The following IGSF21 variants were observed in gnomAD, a reference collection of about 807,000 sequenced individuals.
IGSF21 encodes the protein immunoglobulin superfamily member 21.
Under a neutral mutation model 46.8 loss-of-function variants are expected in IGSF21, and 28 were observed. The ratio of observed to expected loss-of-function variants is 0.60; its 90% confidence interval spans 0.44 to 0.82. IGSF21 has a LOEUF of 0.82. Ranked by LOEUF, IGSF21 falls within the 40% of genes least tolerant of loss-of-function variation. The pLI is 0.00. For missense variants in IGSF21, 624 were observed against 665.5 expected, an observed-to-expected ratio of 0.94 and a Z score of 0.69; for synonymous variants, 284 against 273.6, an observed-to-expected ratio of 1.04 and a Z score of -0.38.
At chr1:18,291,616 G>A (rs895666475) in intron 2 of IGSF21, among the ~76,000 whole-genome samples, 2 of 152,148 alleles carry the variant, frequency 1.3e-5, no homozygotes, top group African/African-American at 2.4e-5. Flanking sequence ...GCTCTTTCCT[G>A]CCGCAGGGCC....
chr1:18,122,577 C>T (rs539351264), intron 1 of IGSF21, among the ~76,000 whole-genome samples: 3 of 151,628 alleles, frequency 2.0e-5, no homozygotes, highest in African/African-American at 7.3e-5. Flanking sequence ...TGTCTGGTTC[C>T]AGGGAATAAT....
intron 2 of IGSF21, among the ~76,000 whole-genome samples, chr1:18,232,070 T>C (rs1342570254): frequency 6.6e-6 from 1 of 151,978 alleles, no homozygotes; most frequent in Non-Finnish European, 1.5e-5. Context: ...AGTATCGTAG[T>C]TGTCTATTAA....
At chr1:18,364,222 A>G (rs1333362169) in intron 5 of IGSF21, among the ~76,000 whole-genome samples, 1 of 152,174 alleles carries the variant, frequency 6.6e-6, no homozygotes, top group African/African-American at 2.4e-5. Flanking sequence ...CTTTAAAGTA[A>G]TTCTTTGATA....
chr1:18,249,026 G>T lies in IGSF21; in HGVS notation c.183+21016G>T, dbSNP rs572731811. 1.9e-4 allele frequency among the ~76,000 whole-genome samples: 29 copies of T among 152,272 alleles called. No homozygotes were observed. In the South Asian group the frequency reaches 5.2e-3, roughly 27 times the overall value. Reference sequence around the variant, plus strand: ...CGCAGGCCTCCTAAAATGAGAGAAAGTGTGGCACCCCCGCCCAAATTAAAC... The same window carrying T: ...CGCAGGCCTCCTAAAATGAGAGAAATTGTGGCACCCCCGCCCAAATTAAAC... On this transcript the variant is annotated intron_variant, in intron 2 of 9. Coordinates refer to ENST00000251296, the MANE Select transcript of IGSF21 (RefSeq NM_032880.5).
chr1:18,256,370 C>T (rs551153364), intron 2 of IGSF21, among the ~76,000 whole-genome samples: 3 of 152,296 alleles, frequency 2.0e-5, no homozygotes, highest in African/African-American at 7.2e-5. Flanking sequence ...TGTTTGCTTT[C>T]ACTGCTGGAG....
At chr1:18,188,228 T>G (rs980517279) in intron 1 of IGSF21, among the ~76,000 whole-genome samples, 1 of 152,208 alleles carries the variant, frequency 6.6e-6, no homozygotes, top group Non-Finnish European at 1.5e-5. Flanking sequence ...ACTGCTCCGA[T>G]CTCCCAGCCA....
At chr1:18,163,904 C>T (rs1463399441) in intron 1 of IGSF21, among the ~76,000 whole-genome samples, 2 of 152,108 alleles carry the variant, frequency 1.3e-5, no homozygotes, top group African/African-American at 4.8e-5. Context: ...TTTCCAATTC[C>T]TGAAAAATGA....
chr1:18,320,542 G>A (rs150219941), intron 3 of IGSF21, among the ~76,000 whole-genome samples: 4 of 151,940 alleles, frequency 2.6e-5, no homozygotes, highest in Non-Finnish European at 4.4e-5. Flanking sequence ...AGCTGACCTG[G>A]TTGGGAAAGG....
At chr1:18,117,652 T>A (rs892856257) in intron 1 of IGSF21, among the ~76,000 whole-genome samples, 1 of 152,176 alleles carries the variant, frequency 6.6e-6, no homozygotes, top group African/African-American at 2.4e-5. Flanking sequence ...TGATGATGTT[T>A]GGCTCCCCAC....
chr1:18,310,862 A>G (rs1357887757), intron 3 of IGSF21, among the ~76,000 whole-genome samples: 1 of 152,106 alleles, frequency 6.6e-6, no homozygotes, highest in Non-Finnish European at 1.5e-5. Context: ...GTTGGCTTGT[A>G]GATGCATCAC....
chr1:18,133,317 C>A (rs1263289801), intron 1 of IGSF21, among the ~76,000 whole-genome samples: 1 of 152,206 alleles, frequency 6.6e-6, no homozygotes, highest in East Asian at 1.9e-4. Context: ...TCTGGTCTAA[C>A]CCCCATGTCA....
At chr1:18,299,281 A>C (rs1327950710) in intron 3 of IGSF21, among the ~76,000 whole-genome samples, 1 of 152,234 alleles carries the variant, frequency 6.6e-6, no homozygotes, top group African/African-American at 2.4e-5. Flanking sequence ...CAAATGAAAA[A>C]AATAAGGGAT....
At chr1:18,188,924 C>A (rs2086929273) in intron 1 of IGSF21, among the ~76,000 whole-genome samples, 1 of 152,216 alleles carries the variant, frequency 6.6e-6, no homozygotes, top group South Asian at 2.1e-4. Flanking sequence ...GGTGCTAGGG[C>A]AGTGTGGCTC....
Position 18,376,963 on chromosome 1 carries a change from C to A in IGSF21, c.1265C>A (p.Thr422Asn). The A allele has an allele frequency of 6.3e-7, 1 of 1,598,284 alleles. No individual in the cohort carries two copies. The highest frequency in any genetic ancestry group is 8.6e-7 in the Non-Finnish European group (1 of 1,167,570). Residue 422 changes from threonine (T) to asparagine (N), a missense_variant, in exon 8 of 10, where the codon ACC becomes AAC. Thr to Asn is a moderately conservative substitution (Grantham distance 65). Transcript: ENST00000251296. The stretch of plus-strand genomic sequence containing the variant: ...ACCGCCCAGAACCCACTGGGCTCCA[C>A]CGACACGCACACCCGGCTCATCGTG... ...RCTAQNPLGS[T>N]DTHTRLIVFE...
chr1:18,327,006 A>G (rs1323601871), intron 3 of IGSF21, among the ~76,000 whole-genome samples: 1 of 152,220 alleles, frequency 6.6e-6, no homozygotes, highest in African/African-American at 2.4e-5. Context: ...CTGTGCCACA[A>G]CATCCTCTAA....
At chr1:18,133,757 A>G (rs191744266) in intron 1 of IGSF21, among the ~76,000 whole-genome samples, 116 of 152,364 alleles carry the variant, frequency 7.6e-4, no homozygotes, top group African/African-American at 2.7e-3. Context: ...CTATTGGACA[A>G]CTGCCGATCC....
intron 2 of IGSF21, among the ~76,000 whole-genome samples, chr1:18,254,310 G>A (rs1425353784): frequency 6.9e-6 from 1 of 144,976 alleles, no homozygotes; most frequent in South Asian, 2.3e-4. Flanking sequence ...CTCTTTTTGA[G>A]CCATTCACTG....
At chr1:18,231,922 CGTGTGTGT>C (rs150869622) in intron 2 of IGSF21, among the ~76,000 whole-genome samples, 26 of 136,432 alleles carry the variant, frequency 1.9e-4, no homozygotes, top group African/African-American at 4.6e-4. Flanking sequence ...ATCATTAGAT[CGTGTGTGT>C]GTGTGTGTGT....
chr1:18,141,456 C>G (rs2086414582), intron 1 of IGSF21, among the ~76,000 whole-genome samples: 1 of 152,118 alleles, frequency 6.6e-6, no homozygotes, highest in Admixed American at 6.5e-5. Context: ...ATCAAGTTCT[C>G]AGCAGGCAGA....
Sources: gnomAD v4.1 joint callset for allele counts (sites outside exome capture counted in the v4.1 genomes callset) on GRCh38, gnomAD v4.1.1 for gene constraint, MANE v1.5 for transcripts, NCBI Gene and HGNC (gene_info 2026-07-23, HGNC 2026-07-21) for gene names.